The following CNTN5 variants were observed in gnomAD, a reference collection of about 807,000 sequenced individuals.
The protein encoded by CNTN5 is contactin 5.
A neutral mutation model predicts 129.1 loss-of-function variants in CNTN5; 77 were observed. That is an observed-to-expected ratio of 0.60 (90% confidence interval 0.50 to 0.72). The LOEUF (loss-of-function observed/expected upper bound fraction) is 0.72. Among genes scored for constraint, CNTN5 ranks in the 30% least tolerant of loss-of-function variants. CNTN5 has a pLI of 0.00. For synonymous variants in CNTN5, 509 were observed against 465.6 expected, an observed-to-expected ratio of 1.09 and a Z score of -1.20; for missense variants, 1,478 against 1,328.8, an observed-to-expected ratio of 1.11 and a Z score of -1.75.
At chr11:99,608,587 A>T (rs1275119944) in intron 3 of CNTN5, among the ~76,000 whole-genome samples, 1 of 152,188 alleles carries the variant, frequency 6.6e-6, no homozygotes. Flanking sequence ...AGTGAAGATG[A>T]TATGAAGAGA....
chr11:99,953,197 G>T (rs1950717261), intron 7 of CNTN5, among the ~76,000 whole-genome samples: 1 of 152,114 alleles, frequency 6.6e-6, no homozygotes, highest in South Asian at 2.1e-4. Flanking sequence ...AGAGAAATGA[G>T]CATCATTGTC....
At chr11:99,426,246 G>A (rs1943114331) in intron 2 of CNTN5, among the ~76,000 whole-genome samples, 1 of 152,108 alleles carries the variant, frequency 6.6e-6, no homozygotes, top group Non-Finnish European at 1.5e-5. Context: ...GTTTTTGCCA[G>A]TTTGCCAAAT....
chr11:99,204,786 G>A (rs1350816411), intron 1 of CNTN5, among the ~76,000 whole-genome samples: 3 of 152,178 alleles, frequency 2.0e-5, no homozygotes, highest in African/African-American at 7.2e-5. Flanking sequence ...GAATATAGTG[G>A]CCTGAGAGCT....
At chr11:100,111,320 G>T (rs2138116737) in intron 13 of CNTN5, among the ~76,000 whole-genome samples, 1 of 151,548 alleles carries the variant, frequency 6.6e-6, no homozygotes, top group Non-Finnish European at 1.5e-5. Context: ...GTGAAAAAAT[G>T]GAATGACAGA....
At chr11:100,285,992 G>A (rs1950777194) in intron 18 of CNTN5, among the ~76,000 whole-genome samples, 1 of 152,224 alleles carries the variant, frequency 6.6e-6, no homozygotes, top group Admixed American at 6.5e-5. Context: ...AGAAAGGGGT[G>A]ACAGACGCAC....
rs1381309017 is a variant in CNTN5, at chr11:99,359,539, G to A, written c.-71+34055G>A. 3.3e-5 allele frequency among the ~76,000 whole-genome samples: 5 copies of A among 150,890 alleles called. 1 individual carries two copies. The highest frequency in any genetic ancestry group is 2.4e-5 in the African/African-American group (1 of 41,224). On this transcript the variant is annotated intron_variant, in intron 2 of 24. Coordinates refer to ENST00000524871, the MANE Select transcript of CNTN5 (RefSeq NM_014361.4). ...TGTTTATTCCACCCTGTTAGCTCCC[G>A]AAGTCTTACCTTGTTCCTTATTTAT...
At chr11:99,198,211 A>G (rs1044350133) in intron 1 of CNTN5, among the ~76,000 whole-genome samples, 5 of 152,106 alleles carry the variant, frequency 3.3e-5, no homozygotes, top group African/African-American at 1.2e-4. Flanking sequence ...TATAAGCTCT[A>G]TACTCTGGCC....
intron 1 of CNTN5, among the ~76,000 whole-genome samples, chr11:99,078,863 G>C (rs1052728889): frequency 2.6e-5 from 4 of 151,974 alleles, no homozygotes; most frequent in African/African-American, 7.2e-5. Context: ...GAATGAATAA[G>C]ATCTAGTATT....
chr11:100,164,963 T>C (rs1470168025), intron 13 of CNTN5, among the ~76,000 whole-genome samples: 1 of 151,822 alleles, frequency 6.6e-6, no homozygotes, highest in East Asian at 1.9e-4. Context: ...TGTATAAATG[T>C]ATATTTTTTA....
intron 13 of CNTN5, among the ~76,000 whole-genome samples, chr11:100,081,247 A>T (rs1210921400): frequency 6.6e-6 from 1 of 152,140 alleles, no homozygotes; most frequent in Non-Finnish European, 1.5e-5. Flanking sequence ...CAGCATTGGA[A>T]ATTAAGAATA....
intron 13 of CNTN5, among the ~76,000 whole-genome samples, chr11:100,161,872 C>CACACACACACACACAA (rs1191557675): frequency 7.8e-6 from 1 of 127,670 alleles, no homozygotes; most frequent in South Asian, 2.5e-4. Flanking sequence ...CACACACACA[C>CACACACACACACACAA]AAAACAAAAA....
chr11:99,658,718 A>ATATAT (rs55644222), intron 3 of CNTN5, among the ~76,000 whole-genome samples: 22 of 124,020 alleles, frequency 1.8e-4, no homozygotes, highest in African/African-American at 5.3e-4. Context: ...CTAAAAAAAA[A>ATATAT]ATATATATAT....
At chr11:99,340,830 T>C (rs896132774) in intron 2 of CNTN5, among the ~76,000 whole-genome samples, 18 of 152,218 alleles carry the variant, frequency 1.2e-4, no homozygotes, top group African/African-American at 3.9e-4. Context: ...ATTACATAAA[T>C]CTACATTAAA....
intron 1 of CNTN5, among the ~76,000 whole-genome samples, chr11:99,215,284 G>A (rs1016092454): frequency 4.6e-5 from 7 of 152,096 alleles, no homozygotes; most frequent in African/African-American, 1.7e-4. Flanking sequence ...TTAGAAGGTG[G>A]AAAAGTCACC....
At chr11:100,137,276 A>G (rs1946558078) in intron 13 of CNTN5, among the ~76,000 whole-genome samples, 1 of 152,120 alleles carries the variant, frequency 6.6e-6, no homozygotes, top group African/African-American at 2.4e-5. Flanking sequence ...GGAGGCTTAT[A>G]ATGTGAAATT....
chr11:99,650,958 A>G (rs1952132769), intron 3 of CNTN5, among the ~76,000 whole-genome samples: 1 of 152,016 alleles, frequency 6.6e-6, no homozygotes, highest in African/African-American at 2.4e-5. Flanking sequence ...GGATTTAAAG[A>G]AACCAAGTTT....
chr11:99,413,853 T>G (rs929775635), intron 2 of CNTN5, among the ~76,000 whole-genome samples: 1 of 152,202 alleles, frequency 6.6e-6, no homozygotes, highest in East Asian at 1.9e-4. Flanking sequence ...CTTTTATTTA[T>G]AATCTCAACT....
intron 16 of CNTN5, among the ~76,000 whole-genome samples, chr11:100,227,440 T>A (rs189295256): frequency 2.7e-4 from 41 of 152,290 alleles, no homozygotes; most frequent in African/African-American, 9.4e-4. Flanking sequence ...CCCCATTCAC[T>A]ACTTTAAGGA....
intron 13 of CNTN5, among the ~76,000 whole-genome samples, chr11:100,093,058 C>T (rs571227177): frequency 6.6e-6 from 1 of 152,208 alleles, no homozygotes; most frequent in African/African-American, 2.4e-5. Flanking sequence ...TATACAGTAT[C>T]TGCCTCCTCT....
Sources: gnomAD v4.1 joint callset for allele counts (sites outside exome capture counted in the v4.1 genomes callset) on GRCh38, gnomAD v4.1.1 for gene constraint, MANE v1.5 for transcripts, NCBI Gene and HGNC (gene_info 2026-07-23, HGNC 2026-07-21) for gene names.